The following PRMT7 variants were observed in gnomAD, a reference collection of about 807,000 sequenced individuals.
PRMT7 encodes the protein protein arginine N-methyltransferase 7.
A neutral mutation model predicts 85.4 loss-of-function variants in PRMT7; 75 were observed. The observed-to-expected ratio is 0.88, with a 90% confidence interval of 0.73 to 1.06. The LOEUF (loss-of-function observed/expected upper bound fraction) is 1.06. Ranked by LOEUF, PRMT7 falls within the 50% of genes least tolerant of loss-of-function variation. The pLI is 0.00. For synonymous variants in PRMT7, 397 were observed against 359.5 expected, an observed-to-expected ratio of 1.10 and a Z score of -1.18; for missense variants, 868 against 915.2, an observed-to-expected ratio of 0.95 and a Z score of 0.67.
At chr16:68,337,930 G>C (rs2084939323) in intron 7 of PRMT7, among the ~76,000 whole-genome samples, 1 of 152,226 alleles carries the variant, frequency 6.6e-6, no homozygotes, top group Non-Finnish European at 1.5e-5. Flanking sequence ...ACGTGAGACT[G>C]AATCGGTGCG....
At chr16:68,359,227 C>T (rs1031620271), downstream of PRMT7, 1 of 152,466 alleles carries the variant, frequency 6.6e-6, no homozygotes, top group African/African-American at 2.4e-5. Context: ...CCGGCCGGCC[C>T]AGTCGCTTGT....
intron 5 of PRMT7, among the ~76,000 whole-genome samples, chr16:68,325,284 C>T (rs777985874): frequency 2.6e-5 from 4 of 152,118 alleles, no homozygotes; most frequent in African/African-American, 4.8e-5. Context: ...CTCTTGAGCC[C>T]GGAAAGTCAA....
chr16:68,336,826 C>T (rs1400760454), intron 6 of PRMT7, among the ~76,000 whole-genome samples: 1 of 152,178 alleles, frequency 6.6e-6, no homozygotes, highest in African/African-American at 2.4e-5. Context: ...AATTTCGGCT[C>T]ACTGCAACCT....
chr16:68,326,252 C>G (rs1370960934), intron 5 of PRMT7, among the ~76,000 whole-genome samples: 2 of 152,132 alleles, frequency 1.3e-5, no homozygotes, highest in Admixed American at 1.3e-4. Flanking sequence ...AATAACAAAG[C>G]CTCAAAATCA....
intron 13 of PRMT7, 66 bp downstream of exon 13, chr16:68,347,744 A>C: frequency 6.8e-7 from 1 of 1,474,370 alleles, no homozygotes; most frequent in South Asian, 1.1e-5. Context: ...ATGGCTTTGA[A>C]GTGGCATTGG....
rs141629089 is a variant in PRMT7 at position 68,348,296 on chromosome 16, C to T, written c.1324-46C>T. ...AGAGATTTTTTTTTCCTGACAAACA[C>T]AATACTTTAGTATGAATACAGTAAT... On this transcript the variant is annotated intron_variant, in intron 13 of 18. Transcript: ENST00000441236. 5.9e-4 allele frequency: 852 copies of T among 1,436,014 alleles called. 4 individuals carry two copies. In the African/African-American group the frequency reaches 0.011, roughly 18 times the overall value. The allele number at this position is 1,436,014 out of a possible 1,614,324, so 89.0% of individuals were successfully genotyped here. A position where few individuals can be genotyped will look rare whatever the true frequency, so the allele number is the denominator to read the frequency against.
At chr16:68,335,685 G>A (rs2084569133) in intron 6 of PRMT7, among the ~76,000 whole-genome samples, 1 of 151,974 alleles carries the variant, frequency 6.6e-6, no homozygotes, top group Non-Finnish European at 1.5e-5. Context: ...AGAACGGAGG[G>A]CTCAGGGATA....
chr16:68,325,789 TCAAAA>T (rs150900885), intron 5 of PRMT7, among the ~76,000 whole-genome samples: 9 of 152,062 alleles, frequency 5.9e-5, no homozygotes, highest in African/African-American at 1.2e-4. Flanking sequence ...AGACTCCATC[TCAAAA>T]CAAAACAAAA....
chr16:68,356,208 T>C (rs1440538586), intron 17 of PRMT7, among the ~76,000 whole-genome samples: 2 of 152,222 alleles, frequency 1.3e-5, no homozygotes, highest in Non-Finnish European at 2.9e-5. Flanking sequence ...TCCTGGGAGC[T>C]GAAGCAGGTC....
Position 68,346,254 on chromosome 16 carries a change from G to A in PRMT7, c.1165G>A (p.Asp389Asn), listed in dbSNP as rs769295606. The part of the protein sequence containing the change: ...FGEINDQDRT[D>N]RYVQALRTVL... ...AGAGATCAATGACCAGGACAGAACTGATCGATACGTCCAGGCTCTGAGGAC... is the reference window on the plus strand; with the variant it reads ...AGAGATCAATGACCAGGACAGAACTAATCGATACGTCCAGGCTCTGAGGAC... Residue 389 changes from aspartate to asparagine, a missense_variant, in exon 11 of 19, where the codon GAT becomes AAT. Transcript: ENST00000441236. 7.4e-6 allele frequency: 12 copies of A among 1,614,122 alleles called. No homozygotes were observed. In the East Asian group the frequency reaches 2.7e-4, roughly 36 times the overall value.
At chr16:68,325,619 C>T (rs1404554472) in intron 5 of PRMT7, among the ~76,000 whole-genome samples, 1 of 152,080 alleles carries the variant, frequency 6.6e-6, no homozygotes, top group African/African-American at 2.4e-5. Flanking sequence ...GGTGAAACTC[C>T]ATCTTTACTA....
At chr16:68,348,618 T>C (rs1343162597) in intron 14 of PRMT7, among the ~76,000 whole-genome samples, 187 bp downstream of exon 14, 4 of 145,386 alleles carry the variant, frequency 2.8e-5, no homozygotes, top group African/African-American at 1.0e-4. Context: ...GGTGAGCAGA[T>C]GGTTGCACTG....
intron 6 of PRMT7, among the ~76,000 whole-genome samples, chr16:68,336,282 C>T (rs2084678686): frequency 6.6e-6 from 1 of 152,200 alleles, no homozygotes; most frequent in East Asian, 1.9e-4. Context: ...AGTAGCAGTA[C>T]ATTACTGAGG....
At chr16:68,329,814 A>G (rs1268098298) in intron 6 of PRMT7, among the ~76,000 whole-genome samples, 1 of 152,126 alleles carries the variant, frequency 6.6e-6, no homozygotes, top group African/African-American at 2.4e-5. Context: ...CTGCTTCTGC[A>G]TACAACATGA....
intron 2 of PRMT7, among the ~76,000 whole-genome samples, chr16:68,313,812 G>A (rs138819515): frequency 5.8e-4 from 89 of 152,326 alleles, no homozygotes; most frequent in African/African-American, 1.9e-3. Flanking sequence ...GGTGCATGCC[G>A]GTAGTCTAGC....
chr16:68,336,827 A>G (rs1392555552), intron 6 of PRMT7, among the ~76,000 whole-genome samples: 7 of 152,114 alleles, frequency 4.6e-5, no homozygotes, highest in Admixed American at 2.6e-4. Context: ...ATTTCGGCTC[A>G]CTGCAACCTC....
rs1470225365 is a variant in PRMT7, at chr16:68,357,216, C to T, written c.2071C>T (p.Pro691Ser). ...CATGGAGTTCAGGCATGCAGATACC[C>T]CAGACTGACCACTCTTGAGCAATAA... ...IIMEFRHADT[P>S]D The change falls in exon 19 of 19, where the codon CCA (proline) becomes TCA (serine). Residue 691 changes from proline (P) to serine (S), a missense_variant. By Grantham distance (74) the Pro-to-Ser change is moderately conservative (BLOSUM62 -1). Coordinates refer to ENST00000441236, the MANE Select transcript of PRMT7 (RefSeq NM_019023.5). The T allele has an allele frequency of 6.8e-6, 11 of 1,611,434 alleles. No individual in the cohort carries two copies. Among genetic ancestry groups the T allele is most frequent in the Non-Finnish European group, 8.5e-6 (10 of 1,178,744 alleles).
intron 5 of PRMT7, among the ~76,000 whole-genome samples, 163 bp from the exon 6 acceptor site, chr16:68,328,903 C>T (rs1356884071): frequency 6.6e-6 from 1 of 152,172 alleles, no homozygotes; most frequent in Non-Finnish European, 1.5e-5. Context: ...CAAGTTAAAG[C>T]CAGCTGAATC....
At chr16:68,312,919 G>T (rs980421454) in intron 2 of PRMT7, among the ~76,000 whole-genome samples, 11 of 152,318 alleles carry the variant, frequency 7.2e-5, no homozygotes, top group African/African-American at 2.4e-4. Flanking sequence ...CTGCCTCCCA[G>T]GTTCAAGCAA....
Sources: allele counts gnomAD v4.1 joint callset (sites outside exome capture counted in the v4.1 genomes callset), GRCh38; gene constraint gnomAD v4.1.1; transcripts MANE v1.5; gene names NCBI Gene and HGNC (gene_info 2026-07-23, HGNC 2026-07-21).